The following MECOM variants were observed in gnomAD, a reference collection of about 807,000 sequenced individuals.
The protein encoded by MECOM is MDS1 and EVI1 complex locus, also known as histone-lysine N-methyltransferase MECOM.
Under a neutral mutation model 116.3 loss-of-function variants are expected in MECOM, and 13 were observed. The observed-to-expected ratio is 0.11, with a 90% CI of 0.07 to 0.18. The LOEUF (loss-of-function observed/expected upper bound fraction) is 0.18. Among genes scored for constraint, MECOM ranks in the 10% least tolerant of loss-of-function variants. The probability of loss-of-function intolerance (pLI) is 1.00; values close to 1 mark genes in which losing one functional copy is unlikely to be tolerated. For synonymous variants in MECOM, 528 were observed against 535.2 expected (o/e 0.99, Z 0.19); for missense variants, 1,299 against 1,509.0 (o/e 0.86, Z 2.31).
chr3:169,267,833 A>G (rs1335875664), intron 2 of MECOM, among the ~76,000 whole-genome samples: 1 of 152,124 alleles, frequency 6.6e-6, no homozygotes, highest in African/African-American at 2.4e-5. Flanking sequence ...AACACGAATA[A>G]TCACAATCCT....
intron 2 of MECOM, among the ~76,000 whole-genome samples, chr3:169,357,267 T>C (rs1428727971): frequency 6.6e-6 from 1 of 151,882 alleles, no homozygotes. Flanking sequence ...CAGATTTTAA[T>C]GAGCAATTTT....
At chr3:169,297,564 A>G (rs949684497) in intron 2 of MECOM, among the ~76,000 whole-genome samples, 4 of 152,104 alleles carry the variant, frequency 2.6e-5, no homozygotes, top group Non-Finnish European at 5.9e-5. Context: ...GCACTGAGGC[A>G]GGTCAGGAAC....
intron 2 of MECOM, among the ~76,000 whole-genome samples, chr3:169,279,219 T>C (rs1376076744): frequency 1.3e-5 from 2 of 152,184 alleles, no homozygotes; most frequent in East Asian, 1.9e-4. Flanking sequence ...CAACTTAGAA[T>C]TGGTTTAGGG....
intron 1 of MECOM, among the ~76,000 whole-genome samples, chr3:169,576,330 A>C (rs1309638836): frequency 1.3e-5 from 2 of 152,206 alleles, no homozygotes; most frequent in East Asian, 3.8e-4. Flanking sequence ...AAACATATTT[A>C]ACGCATCAAA....
At chr3:169,214,673 G>C (rs2149482768) in intron 2 of MECOM, among the ~76,000 whole-genome samples, 1 of 151,224 alleles carries the variant, frequency 6.6e-6, no homozygotes, top group East Asian at 1.9e-4. Flanking sequence ...TTTCTACCTA[G>C]ATTTTTAATA....
chr3:169,346,181 T>G (rs1167959496), intron 2 of MECOM, among the ~76,000 whole-genome samples: 3 of 152,102 alleles, frequency 2.0e-5, no homozygotes, highest in Non-Finnish European at 4.4e-5. Flanking sequence ...GGCATACATG[T>G]CAGCACGAAG....
intron 2 of MECOM, among the ~76,000 whole-genome samples, chr3:169,315,923 TA>T (rs1719666255): frequency 6.6e-6 from 1 of 152,222 alleles, no homozygotes; most frequent in African/African-American, 2.4e-5. Context: ...CTAACACAGG[TA>T]AAGTCAAATA....
intron 2 of MECOM, among the ~76,000 whole-genome samples, chr3:169,305,833 T>C (rs1388037274): frequency 6.6e-6 from 1 of 152,014 alleles, no homozygotes; most frequent in African/African-American, 2.4e-5. Context: ...AACAAAGTTG[T>C]GTAAAGGTTT....
intron 1 of MECOM, among the ~76,000 whole-genome samples, chr3:169,399,299 G>A (rs1471724965): frequency 6.6e-6 from 1 of 152,126 alleles, no homozygotes; most frequent in South Asian, 2.1e-4. Flanking sequence ...TTTGAAAGCT[G>A]TACTTTGTAC....
chr3:169,625,517 G>A (rs1233306897), intron 1 of MECOM, among the ~76,000 whole-genome samples: 4 of 152,050 alleles, frequency 2.6e-5, no homozygotes, highest in African/African-American at 4.8e-5. Context: ...ATCAGCCATC[G>A]GGCTGAAACA....
chr3:169,460,386 A>AT (rs938086127), intron 1 of MECOM, among the ~76,000 whole-genome samples: 11 of 152,104 alleles, frequency 7.2e-5, no homozygotes, highest in Non-Finnish European at 1.5e-4. Flanking sequence ...GAACAGACCT[A>AT]TTTTTTGTCT....
intron 2 of MECOM, among the ~76,000 whole-genome samples, chr3:169,265,759 A>G (rs4955642): frequency 0.12 from 18,330 of 152,224 alleles, 1,263 homozygotes; most frequent in East Asian, 0.32. Context: ...AGTACTTCCT[A>G]TGTTTTCTCA....
chr3:169,130,579 G>A (rs1208696575), intron 4 of MECOM, among the ~76,000 whole-genome samples: 3 of 151,946 alleles, frequency 2.0e-5, no homozygotes, highest in Non-Finnish European at 4.4e-5. Context: ...GCCAAGAGTG[G>A]CAGCTTCCTG....
At chr3:169,304,334 G>A (rs1717293995) in intron 2 of MECOM, among the ~76,000 whole-genome samples, 3 of 152,136 alleles carry the variant, frequency 2.0e-5, no homozygotes, top group African/African-American at 7.2e-5. Context: ...GTTCCCATGA[G>A]AATAATTCAG....
At chr3:169,342,394 A>G (rs1377074729) in intron 2 of MECOM, among the ~76,000 whole-genome samples, 1 of 152,076 alleles carries the variant, frequency 6.6e-6, no homozygotes, top group Non-Finnish European at 1.5e-5. Flanking sequence ...ATAATAGTAT[A>G]TCTAAACTTA....
chr3:169,142,375 T>C (rs578125931), intron 3 of MECOM, among the ~76,000 whole-genome samples: 1 of 151,978 alleles, frequency 6.6e-6, no homozygotes, highest in South Asian at 2.1e-4. Flanking sequence ...CAGTTCCTTT[T>C]GTAAGGAGTA....
chr3:169,587,775 T>C (rs1409922735), intron 1 of MECOM, among the ~76,000 whole-genome samples: 1 of 152,202 alleles, frequency 6.6e-6, no homozygotes, highest in African/African-American at 2.4e-5. Flanking sequence ...TAATGCTTCA[T>C]GGAACAAAGA....
rs190691201 is a variant in MECOM at position 169,611,621 on chromosome 3, C to A, written c.37+51715G>T. ...ATTGCTTTCCTTCTGACTTAAAGAG[C>A]GTTCCTATAACAGCTAATAATCTCT... On this transcript the variant is annotated intron_variant, in intron 1 of 16. Transcript: ENST00000651503. This position sits in a 1 kb window ranked among gnomAD's most constrained non-coding sequence, Gnocchi z 4.1. 6.6e-6 allele frequency among the ~76,000 whole-genome samples: 1 copy of A among 152,164 alleles called. No homozygotes were observed. The highest frequency in any genetic ancestry group is 1.5e-5 in the Non-Finnish European group (1 of 68,026).
intron 1 of MECOM, chr3:169,483,985 AG>A: frequency 1.9e-6 from 3 of 1,600,634 alleles, no homozygotes; most frequent in Non-Finnish European, 2.6e-6. Context: ...TGCAATCAAG[AG>A]TGAACTTCAG....
Sources: allele counts gnomAD v4.1 joint callset (sites outside exome capture counted in the v4.1 genomes callset), GRCh38; gene constraint gnomAD v4.1.1; non-coding constraint Gnocchi (gnomAD v3.1); transcripts MANE v1.5; gene names NCBI Gene and HGNC (gene_info 2026-07-23, HGNC 2026-07-21).